Variants in COL5A2 observed in about 807,000 individuals in gnomAD.
COL5A2 encodes collagen type V alpha 2 chain.
Under a neutral mutation model 208.2 loss-of-function variants are expected in COL5A2, and 23 were observed. The observed-to-expected ratio is 0.11, with a 90% CI of 0.08 to 0.16. COL5A2 has a LOEUF of 0.16. Ranked by LOEUF, COL5A2 falls within the 10% of genes least tolerant of loss-of-function variation. The probability of loss-of-function intolerance (pLI) is 1.00; values close to 1 mark genes in which losing one functional copy is unlikely to be tolerated. For synonymous variants in COL5A2, 625 were observed against 628.5 expected, an observed-to-expected ratio of 0.99 and a Z score of 0.08; for missense variants, 1,590 against 1,956.4, an observed-to-expected ratio of 0.81 and a Z score of 3.53.
At chr2:189,268,852 T>C in the COL5A2 span, among the ~76,000 whole-genome samples, 82 of 152,280 alleles carry the variant, frequency 5.4e-4, no homozygotes, top group African/African-American at 1.8e-3. Context: ...CAATTTTACA[T>C]AAATCAGATT....
the COL5A2 span, among the ~76,000 whole-genome samples, chr2:189,330,115 A>T: frequency 6.6e-6 from 1 of 152,178 alleles, no homozygotes; most frequent in Non-Finnish European, 1.5e-5. Flanking sequence ...CTACACACCA[A>T]TTCCCCATTT....
chr2:189,220,316 T>C (rs1377667249), intron 1 of COL5A2, among the ~76,000 whole-genome samples: 1 of 152,328 alleles, frequency 6.6e-6, no homozygotes, highest in African/African-American at 2.4e-5. Context: ...TTCTTCATTA[T>C]GTGTGTAAAG....
At chr2:189,161,708 T>C (rs188364211) in intron 1 of COL5A2, among the ~76,000 whole-genome samples, 303 of 152,342 alleles carry the variant, frequency 2.0e-3, no homozygotes, top group African/African-American at 6.7e-3. Context: ...TGCATAGCAC[T>C]GGAGCTGGAT....
the COL5A2 span, among the ~76,000 whole-genome samples, chr2:189,364,412 C>A: frequency 6.6e-6 from 1 of 152,274 alleles, no homozygotes; most frequent in African/African-American, 2.4e-5. Context: ...CAAGGTTGGG[C>A]CCGGTGGCTC....
intron 35 of COL5A2, 198 bp downstream of exon 35, chr2:189,056,775 A>AT: frequency 1.6e-6 from 1 of 628,356 alleles, no homozygotes; most frequent in Non-Finnish European, 2.8e-6. Context: ...ATATGTTTTT[A>AT]TTTAAGTTTC....
chr2:189,140,441 T>C (rs1482431268), intron 1 of COL5A2, among the ~76,000 whole-genome samples: 2 of 152,184 alleles, frequency 1.3e-5, no homozygotes, highest in Non-Finnish European at 2.9e-5. Flanking sequence ...TTTGGCATTA[T>C]ATTATAAAAC....
rs6434313 is a variant in COL5A2 at position 189,051,384 on chromosome 2, C to T, written c.2867G>A (p.Arg956Gln). The T allele has an allele frequency of 9.3e-6, 15 of 1,614,048 alleles. No individual in the cohort carries two copies. Among genetic ancestry groups the T allele is most frequent in the Admixed American group, 6.7e-5 (4 of 60,016 alleles). Residue 956 changes from arginine to glutamine, a missense_variant, in exon 42 of 54, where the codon CGA becomes CAA. Coordinates refer to ENST00000374866, the MANE Select transcript of COL5A2 (RefSeq NM_000393.5). ...GCCACCAGGGGGGCCAGCTGGTCCT[C>T]GATCTCCCACACGCCCATGAGAGCC... ...DPGSHGRVGD[R>Q]GPAGPPGGPG...
intron 7 of COL5A2, 101 bp downstream of exon 7, chr2:189,092,209 C>A: frequency 2.5e-6 from 2 of 788,272 alleles, no homozygotes; most frequent in South Asian, 2.9e-5. Flanking sequence ...CTCTTACAGT[C>A]AAGTGTCAAT....
chr2:189,070,459 G>A (rs1267096551), intron 18 of COL5A2, among the ~76,000 whole-genome samples: 1 of 152,164 alleles, frequency 6.6e-6, no homozygotes, highest in East Asian at 1.9e-4. Context: ...ATTTTATGGT[G>A]GAGAGAAGCA....
intron 1 of COL5A2, among the ~76,000 whole-genome samples, chr2:189,112,613 T>C (rs1687306194): frequency 6.6e-6 from 1 of 152,192 alleles, no homozygotes; most frequent in East Asian, 1.9e-4. Context: ...TGCTGTTTTA[T>C]AAGATGAGGA....
chr2:189,041,722 T>C, intron 49 of COL5A2, 29 bp from the exon 50 acceptor site: 1 of 1,543,762 alleles, frequency 6.5e-7, no homozygotes, highest in Non-Finnish European at 9.0e-7. Context: ...GTAGTTTAGA[T>C]TCTATGAAGG....
chr2:189,185,224 C>A (rs1688835653), intron 1 of COL5A2, among the ~76,000 whole-genome samples: 3 of 152,126 alleles, frequency 2.0e-5, no homozygotes, highest in Admixed American at 6.5e-5. Flanking sequence ...GGGGTTTCAC[C>A]ATGTTGGCCA....
the COL5A2 span, among the ~76,000 whole-genome samples, chr2:189,300,998 G>A: frequency 6.6e-6 from 1 of 152,034 alleles, no homozygotes; most frequent in South Asian, 2.1e-4. Flanking sequence ...ACCACACTGG[G>A]CAACATGGAG....
chr2:189,078,948 C>G (rs1210176144), intron 15 of COL5A2, 115 bp downstream of exon 15: 2 of 844,794 alleles, frequency 2.4e-6, no homozygotes, highest in African/African-American at 3.4e-5. Flanking sequence ...ATTTTACTAG[C>G]CAACATATGT....
the COL5A2 span, among the ~76,000 whole-genome samples, chr2:189,380,757 T>C: frequency 6.6e-6 from 1 of 152,036 alleles, no homozygotes; most frequent in East Asian, 1.9e-4. Flanking sequence ...ACACCAACAA[T>C]CTTTAGTACC....
At chr2:189,297,847 A>G in the COL5A2 span, among the ~76,000 whole-genome samples, 1 of 152,246 alleles carries the variant, frequency 6.6e-6, no homozygotes, top group African/African-American at 2.4e-5. Flanking sequence ...GTGAATTCAA[A>G]GAGTTGGAAT....
intron 53 of COL5A2, among the ~76,000 whole-genome samples, chr2:189,034,536 G>A (rs911729026): frequency 1.3e-5 from 2 of 151,982 alleles, no homozygotes; most frequent in Non-Finnish European, 2.9e-5. Context: ...ATCTCAATAT[G>A]CAAGCGGGGA....
At chr2:189,416,984 T>C in the COL5A2 span, among the ~76,000 whole-genome samples, 1 of 152,208 alleles carries the variant, frequency 6.6e-6, no homozygotes, top group African/African-American at 2.4e-5. Flanking sequence ...ATATGTTCAC[T>C]TATTAATTTG....
chr2:189,248,494 G>A, the COL5A2 span, among the ~76,000 whole-genome samples: 1 of 152,104 alleles, frequency 6.6e-6, no homozygotes, highest in African/African-American at 2.4e-5. Flanking sequence ...TATCAAATGT[G>A]TATCATAGAA....
Sources: gnomAD v4.1 joint callset for allele counts (sites outside exome capture counted in the v4.1 genomes callset) on GRCh38, gnomAD v4.1.1 for gene constraint, MANE v1.5 for transcripts, NCBI Gene and HGNC (gene_info 2026-07-23, HGNC 2026-07-21) for gene names.